The following CCDC102B variants were observed in gnomAD, a reference collection of about 807,000 sequenced individuals.
CCDC102B encodes the protein coiled-coil domain containing 102B, also known as coiled-coil domain-containing protein 102B.
Under a neutral mutation model 57.4 loss-of-function variants are expected in CCDC102B, and 75 were observed. The observed-to-expected ratio is 1.31, with a 90% CI of 1.08 to 1.58. CCDC102B has a LOEUF of 1.58. Ranked by LOEUF, CCDC102B falls within the 40% of genes most tolerant of loss-of-function variation. The pLI is 0.00. For missense variants in CCDC102B, 636 were observed against 582.6 expected (o/e 1.09, Z -0.94); for synonymous variants, 206 against 201.9 (o/e 1.02, Z -0.17).
intron 6 of CCDC102B, among the ~76,000 whole-genome samples, chr18:68,904,537 A>G (rs1226632399): frequency 6.6e-6 from 1 of 152,212 alleles, no homozygotes; most frequent in Non-Finnish European, 1.5e-5. Flanking sequence ...GCAGAGATAA[A>G]GAATCATAGT....
At chr18:68,783,119 G>A (rs562841650) in intron 2 of CCDC102B, among the ~76,000 whole-genome samples, 21 of 152,216 alleles carry the variant, frequency 1.4e-4, no homozygotes, top group African/African-American at 4.6e-4. Context: ...CGATTGGTTC[G>A]CTTATTTATC....
chr18:68,810,676 C>T (rs61215291), intron 1 of CCDC102B, among the ~76,000 whole-genome samples: 573 of 57,194 alleles, frequency 0.01, 10 homozygotes, highest in East Asian at 0.021. Flanking sequence ...CTTTTCTTTT[C>T]TTTGTTTTTT....
intron 6 of CCDC102B, among the ~76,000 whole-genome samples, chr18:68,901,691 C>G: frequency 6.6e-6 from 1 of 152,166 alleles, no homozygotes; most frequent in East Asian, 1.9e-4. Flanking sequence ...TGCAAATTCT[C>G]AGAGTGCCCC....
intron 6 of CCDC102B, among the ~76,000 whole-genome samples, chr18:68,946,135 T>A (rs1422362585): frequency 2.6e-5 from 4 of 152,028 alleles, no homozygotes. Flanking sequence ...AAACTGAAAT[T>A]CACTCATAGT....
chr18:68,716,372 G>A (rs182143207), intron 1 of CCDC102B, among the ~76,000 whole-genome samples: 2 of 151,328 alleles, frequency 1.3e-5, no homozygotes, highest in African/African-American at 2.4e-5. Context: ...TTATATTTGC[G>A]TTACAGTTTA....
At chr18:69,035,570 C>A (rs573395099) in intron 7 of CCDC102B, among the ~76,000 whole-genome samples, 1 of 152,158 alleles carries the variant, frequency 6.6e-6, no homozygotes, top group South Asian at 2.1e-4. Context: ...CATGTAGAAT[C>A]ATGTAACAAA....
intron 6 of CCDC102B, among the ~76,000 whole-genome samples, chr18:69,010,007 C>T (rs1325698982): frequency 7.7e-6 from 1 of 130,372 alleles, no homozygotes; most frequent in East Asian, 2.4e-4. Flanking sequence ...TCTCGGCTCA[C>T]TGCAAGCTCC....
chr18:68,942,051 C>T (rs1568343132), intron 6 of CCDC102B, among the ~76,000 whole-genome samples: 2 of 152,010 alleles, frequency 1.3e-5, no homozygotes, highest in East Asian at 1.9e-4. Flanking sequence ...GTTAAAATAA[C>T]AAATACACAG....
In CCDC102B at chr18:68,854,728, T is replaced by A. The variant is rs578043976; in HGVS notation, c.936+8307T>A. Among the ~76,000 whole-genome samples, 390 of 152,298 alleles carry A rather than the reference T, an allele frequency of 2.6e-3. 1 individual carries two copies. Among genetic ancestry groups the A allele is most frequent in the Non-Finnish European group, 4.6e-3 (314 of 68,014 alleles). On this transcript the variant is annotated intron_variant, in intron 4 of 7. Coordinates refer to ENST00000360242, the MANE Select transcript of CCDC102B (RefSeq NM_024781.3). ...TTTGTGGGCTCCTGCTACCTCGGGA[T>A]CTGACTCTTAGTAAGAAGTGATCAG...
At chr18:69,001,580 C>T (rs931972734) in intron 6 of CCDC102B, among the ~76,000 whole-genome samples, 16 of 152,086 alleles carry the variant, frequency 1.1e-4, no homozygotes, top group African/African-American at 3.9e-4. Flanking sequence ...CCAGGCTTAC[C>T]CAGGAAGAGA....
chr18:68,911,552 A>T lies in CCDC102B; in HGVS notation c.1263+14124A>T, dbSNP rs1018872456. Among the ~76,000 whole-genome samples the T allele has an allele frequency of 2.0e-5, 3 of 150,326 alleles. No homozygotes were observed. In the East Asian group the frequency reaches 6.2e-4, roughly 31 times the overall value. On this transcript the variant is annotated intron_variant, in intron 6 of 7. Transcript: ENST00000360242. ...CGGATCACGAGGTCAGGAGATCGAG[A>T]CCATCCTGGCTAACACGGTGAAACC...
At chr18:68,974,280 G>A (rs1256588753) in intron 6 of CCDC102B, among the ~76,000 whole-genome samples, 1 of 151,966 alleles carries the variant, frequency 6.6e-6, no homozygotes, top group Non-Finnish European at 1.5e-5. Flanking sequence ...GCCATGTGAG[G>A]ACCCAGCGTT....
intron 2 of CCDC102B, among the ~76,000 whole-genome samples, chr18:68,725,281 G>A (rs2032542151): frequency 6.6e-6 from 1 of 152,182 alleles, no homozygotes; most frequent in African/African-American, 2.4e-5. Context: ...GCTTTTAATA[G>A]TAAGGCACTA....
chr18:68,764,416 G>GT (rs1351689725), intron 2 of CCDC102B, among the ~76,000 whole-genome samples: 1 of 152,172 alleles, frequency 6.6e-6, no homozygotes, highest in Non-Finnish European at 1.5e-5. Context: ...CTCAGAGAAA[G>GT]TAATTCAGTT....
intron 1 of CCDC102B, among the ~76,000 whole-genome samples, chr18:68,817,439 A>G (rs1279024578): frequency 6.6e-6 from 1 of 152,176 alleles, no homozygotes; most frequent in Non-Finnish European, 1.5e-5. Context: ...TGCATTTTCC[A>G]TTTTAACATT....
At chr18:68,914,356 G>A (rs996367462) in intron 6 of CCDC102B, among the ~76,000 whole-genome samples, 1 of 152,142 alleles carries the variant, frequency 6.6e-6, no homozygotes, top group Non-Finnish European at 1.5e-5. Flanking sequence ...GCAGTGGGAC[G>A]GTGTCTTGTC....
intron 2 of CCDC102B, among the ~76,000 whole-genome samples, chr18:68,728,932 A>C (rs2032729039): frequency 6.6e-6 from 1 of 150,672 alleles, no homozygotes. Context: ...GGCACCATAT[A>C]TTGATTTTTT....
rs1017144112 is a variant in CCDC102B, at chr18:68,979,893, G to C, written c.1264-31041G>C. 6.6e-5 allele frequency among the ~76,000 whole-genome samples: 10 copies of C among 152,158 alleles called. No homozygotes were observed. In the East Asian group the frequency reaches 1.9e-3, roughly 29 times the overall value. Reference sequence around the variant, plus strand: ...CCTTGCAGCATGAGGTCAGGAGGCTGGTTAGGTTCTACCAGTTCCCAGCAC... The same window carrying C: ...CCTTGCAGCATGAGGTCAGGAGGCTCGTTAGGTTCTACCAGTTCCCAGCAC... On this transcript the variant is annotated intron_variant, in intron 6 of 7. Coordinates refer to ENST00000360242, the MANE Select transcript of CCDC102B (RefSeq NM_024781.3).
intron 6 of CCDC102B, among the ~76,000 whole-genome samples, chr18:69,009,599 C>T (rs903756765): frequency 6.6e-6 from 1 of 151,848 alleles, no homozygotes; most frequent in Non-Finnish European, 1.5e-5. Context: ...GAAAACTTCC[C>T]CTACGTGATG....
Sources: allele counts gnomAD v4.1 joint callset (sites outside exome capture counted in the v4.1 genomes callset), GRCh38; gene constraint gnomAD v4.1.1; transcripts MANE v1.5; gene names NCBI Gene and HGNC (gene_info 2026-07-23, HGNC 2026-07-21).